The following SOX5 variants were observed in gnomAD, a reference collection of about 807,000 sequenced individuals.
The protein encoded by SOX5 is SRY-box transcription factor 5, also known as transcription factor SOX-5.
Under a neutral mutation model 92.0 loss-of-function variants are expected in SOX5, and 9 were observed. The observed-to-expected ratio is 0.10, with a 90% CI of 0.06 to 0.17. The LOEUF (loss-of-function observed/expected upper bound fraction) is 0.17. SOX5 is among the 10% of genes least tolerant of loss of function. SOX5 has a pLI of 1.00. For synonymous variants in SOX5, 344 were observed against 336.3 expected (o/e 1.02, Z -0.25); for missense variants, 642 against 944.5 (o/e 0.68, Z 4.20).
chr12:23,935,126 A>G (rs1400082607), intron 1 of SOX5, among the ~76,000 whole-genome samples: 4 of 151,266 alleles, frequency 2.6e-5, no homozygotes, highest in African/African-American at 7.3e-5. Context: ...GCTGAAAAAC[A>G]TGAGGTTCAT....
chr12:24,489,727 G>A (rs1394264197), intron 1 of SOX5, among the ~76,000 whole-genome samples: 1 of 152,124 alleles, frequency 6.6e-6, no homozygotes, highest in Non-Finnish European at 1.5e-5. Context: ...CCCGTTTTCA[G>A]GTGGCAAGTT....
At chr12:24,489,882 C>T (rs537489652) in intron 1 of SOX5, among the ~76,000 whole-genome samples, 1 of 152,342 alleles carries the variant, frequency 6.6e-6, no homozygotes, top group South Asian at 2.1e-4. Context: ...TTGCTAACTA[C>T]ACGTTGGGAT....
At chr12:24,555,411 T>C (rs1306681787) in intron 1 of SOX5, among the ~76,000 whole-genome samples, 1 of 152,246 alleles carries the variant, frequency 6.6e-6, no homozygotes, top group Non-Finnish European at 1.5e-5. Context: ...TTTTAAATGA[T>C]AAGCATTAAA....
chr12:23,727,696 T>C (rs968440968), intron 6 of SOX5, among the ~76,000 whole-genome samples: 1 of 152,158 alleles, frequency 6.6e-6, no homozygotes, highest in Non-Finnish European at 1.5e-5. Flanking sequence ...AATCTTCATG[T>C]TTCCAGGATC....
At chr12:23,570,245 AC>A (rs1164828017) in intron 10 of SOX5, among the ~76,000 whole-genome samples, 1 of 152,184 alleles carries the variant, frequency 6.6e-6, no homozygotes, top group Non-Finnish European at 1.5e-5. Context: ...CATTTTTGAC[AC>A]CCTGATAGGT....
chr12:23,870,914 A>T (rs755971289), intron 2 of SOX5, among the ~76,000 whole-genome samples: 1 of 152,052 alleles, frequency 6.6e-6, no homozygotes, highest in African/African-American at 2.4e-5. Flanking sequence ...CACTTCACTC[A>T]CTAAGGAAAT....
intron 8 of SOX5, among the ~76,000 whole-genome samples, chr12:23,640,110 G>A (rs1378532089): frequency 6.6e-6 from 1 of 152,122 alleles, no homozygotes; most frequent in African/African-American, 2.4e-5. Flanking sequence ...AATGTTTTGT[G>A]GGATGCTGAT....
At chr12:23,602,172 T>A (rs1328119608) in intron 9 of SOX5, among the ~76,000 whole-genome samples, 1 of 152,172 alleles carries the variant, frequency 6.6e-6, no homozygotes, top group East Asian at 1.9e-4. Context: ...AAACACAATC[T>A]ACTTTTTCAC....
intron 3 of SOX5, among the ~76,000 whole-genome samples, chr12:23,833,037 T>C (rs2096355135): frequency 6.6e-6 from 1 of 152,020 alleles, no homozygotes; most frequent in Non-Finnish European, 1.5e-5. Context: ...TCTTTTTACA[T>C]TGTGGATTCA....
chr12:23,968,051 T>C (rs1420963526), intron 4 of SOX5, among the ~76,000 whole-genome samples: 5 of 152,182 alleles, frequency 3.3e-5, no homozygotes, highest in African/African-American at 4.8e-5. Flanking sequence ...TTATAAAGAA[T>C]AGGGCACACA....
At chr12:24,129,292 A>G (rs1413813817) in intron 4 of SOX5, among the ~76,000 whole-genome samples, 1 of 152,246 alleles carries the variant, frequency 6.6e-6, no homozygotes, top group Non-Finnish European at 1.5e-5. Flanking sequence ...CAAGTTCAGT[A>G]CAATAGGAAT....
chr12:24,520,430 A>C (rs1950168153), intron 1 of SOX5, among the ~76,000 whole-genome samples: 1 of 152,132 alleles, frequency 6.6e-6, no homozygotes, highest in Non-Finnish European at 1.5e-5. Context: ...TTATAATGAT[A>C]AGATATTTTA....
intron 4 of SOX5, among the ~76,000 whole-genome samples, chr12:24,013,766 C>A (rs989156646): frequency 2.0e-5 from 3 of 152,214 alleles, no homozygotes; most frequent in African/African-American, 4.8e-5. Flanking sequence ...TTATTTTTAT[C>A]CATAAAATAT....
At chr12:23,904,718 G>A (rs1257613121) in intron 1 of SOX5, among the ~76,000 whole-genome samples, 1 of 150,558 alleles carries the variant, frequency 6.6e-6, no homozygotes, top group Non-Finnish European at 1.5e-5. Context: ...TCTTCATCAA[G>A]GTTGCCCCCT....
intron 1 of SOX5, among the ~76,000 whole-genome samples, chr12:24,538,641 C>T (rs1951857795): frequency 7.5e-6 from 1 of 133,062 alleles, no homozygotes; most frequent in South Asian, 2.5e-4. Flanking sequence ...ACACACACTA[C>T]ACGATAAGAA....
At chr12:23,543,835 A>T (rs1422346498) in intron 12 of SOX5, among the ~76,000 whole-genome samples, 1 of 152,200 alleles carries the variant, frequency 6.6e-6, no homozygotes, top group African/African-American at 2.4e-5. Context: ...AACATATAGT[A>T]CCTTATGTTC....
chr12:24,377,597 AGT>A (rs1957416386), intron 1 of SOX5, among the ~76,000 whole-genome samples: 2 of 152,228 alleles, frequency 1.3e-5, no homozygotes, highest in African/African-American at 4.8e-5. Context: ...GACTTAGGGT[AGT>A]GGCAGGACTG....
At chr12:24,331,766 T>G (rs1232222585) in intron 2 of SOX5, among the ~76,000 whole-genome samples, 1 of 143,116 alleles carries the variant, frequency 7.0e-6, no homozygotes, top group East Asian at 2.2e-4. Context: ...GAGAATCCCT[T>G]GAGCCCAGGG....
intron 4 of SOX5, among the ~76,000 whole-genome samples, chr12:24,048,154 T>C (rs1957229309): frequency 6.6e-6 from 1 of 152,222 alleles, no homozygotes; most frequent in Non-Finnish European, 1.5e-5. Flanking sequence ...CATCATCACA[T>C]TCCGTGCACA....
Sources: gnomAD v4.1 joint callset for allele counts (sites outside exome capture counted in the v4.1 genomes callset) on GRCh38, gnomAD v4.1.1 for gene constraint, MANE v1.5 for transcripts, NCBI Gene and HGNC (gene_info 2026-07-23, HGNC 2026-07-21) for gene names.